Variants in ITPR2 observed in about 807,000 individuals in gnomAD.
ITPR2 encodes inositol 1,4,5-trisphosphate-gated calcium channel ITPR2.
In ITPR2, 207 loss-of-function variants were observed where a neutral mutation model predicts 317.1. The ratio of observed to expected loss-of-function variants is 0.65; its 90% CI spans 0.58 to 0.73. The LOEUF is 0.73. Among genes scored for constraint, ITPR2 ranks in the 30% least tolerant of loss-of-function variants. ITPR2 has a pLI of 0.00. For synonymous variants in ITPR2, 1,156 were observed against 1,149.1 expected, an observed-to-expected ratio of 1.01 and a Z score of -0.12; for missense variants, 2,613 against 3,284.0, an observed-to-expected ratio of 0.80 and a Z score of 4.99.
intron 14 of ITPR2, 83 bp downstream of exon 14, chr12:26,665,827 T>C: frequency 8.3e-7 from 1 of 1,209,776 alleles, no homozygotes; most frequent in Non-Finnish European, 1.2e-6. Flanking sequence ...TGCTTCATAG[T>C]AATAGATAAC....
At chr12:26,537,213 C>A (rs1397528789) in intron 37 of ITPR2, among the ~76,000 whole-genome samples, 3 of 152,066 alleles carry the variant, frequency 2.0e-5, no homozygotes, top group Non-Finnish European at 4.4e-5. Context: ...ATTAACTAAT[C>A]CAAGCATGGT....
intron 36 of ITPR2, among the ~76,000 whole-genome samples, chr12:26,555,337 G>C (rs1210113113): frequency 6.6e-6 from 1 of 152,070 alleles, no homozygotes; most frequent in Non-Finnish European, 1.5e-5. Context: ...GAATTAGCTG[G>C]GATGAGTCAT....
At chr12:26,358,636 TTACAAATAA>T (rs1234292907) in intron 55 of ITPR2, among the ~76,000 whole-genome samples, 1 of 152,160 alleles carries the variant, frequency 6.6e-6, no homozygotes, top group African/African-American at 2.4e-5. Context: ...ATTCTGTGTA[TTACAAATAA>T]TTGATGATGT....
At chr12:26,772,523 T>TTATATATAATACACGTATTA (rs1949883206) in intron 2 of ITPR2, among the ~76,000 whole-genome samples, 2 of 90,940 alleles carry the variant, frequency 2.2e-5, no homozygotes, top group African/African-American at 7.0e-5. Flanking sequence ...TAATACATTA[T>TTATATATAATACACGTATTA]TATATATAAT....
intron 55 of ITPR2, among the ~76,000 whole-genome samples, chr12:26,361,732 T>G (rs567212854): frequency 6.6e-6 from 1 of 152,358 alleles, no homozygotes; most frequent in African/African-American, 2.4e-5. Context: ...AAAGGAACAT[T>G]GAAAACGTGA....
At chr12:26,632,760 G>A (rs1400805761) in intron 21 of ITPR2, among the ~76,000 whole-genome samples, 1 of 152,104 alleles carries the variant, frequency 6.6e-6, no homozygotes, top group African/African-American at 2.4e-5. Context: ...AATGAGGGAG[G>A]GATCACGCTC....
intron 45 of ITPR2, among the ~76,000 whole-genome samples, chr12:26,456,824 C>T (rs1941898743): frequency 6.6e-6 from 1 of 152,142 alleles, no homozygotes; most frequent in Admixed American, 6.5e-5. Flanking sequence ...AGGCACTTGC[C>T]ATCACGCCCG....
intron 37 of ITPR2, among the ~76,000 whole-genome samples, chr12:26,509,386 T>C (rs1482152140): frequency 6.6e-6 from 1 of 152,212 alleles, no homozygotes; most frequent in East Asian, 1.9e-4. Context: ...GTGAATTTTA[T>C]AGTATGTGAA....
At position 26,340,346 on chromosome 12, in the gene ITPR2, T is replaced by C. The variant is rs1938067060; in HGVS notation, c.7858-18A>G. 1 of 1,581,928 alleles carries C rather than the reference T, an allele frequency of 6.3e-7. No homozygotes were observed. The highest frequency in any genetic ancestry group is 1.8e-5 in the Admixed American group (1 of 56,404). On this transcript the variant is annotated intron_variant, in intron 55 of 56. Transcript: ENST00000381340. ...TTCTTCTCCTGAAAGCAAATAAATG[T>C]GTGCGAACAAGGGAATAAGTATGGA...
At chr12:26,709,394 A>G (rs1335377957) in intron 9 of ITPR2, among the ~76,000 whole-genome samples, 1 of 152,246 alleles carries the variant, frequency 6.6e-6, no homozygotes, top group Non-Finnish European at 1.5e-5. Flanking sequence ...GGCACCTGGC[A>G]TTTAAAGCTG....
chr12:26,796,502 T>A (rs1463044691), intron 1 of ITPR2, among the ~76,000 whole-genome samples: 2 of 152,210 alleles, frequency 1.3e-5, no homozygotes, highest in African/African-American at 4.8e-5. Flanking sequence ...CATTCACTGC[T>A]ATAGAGAGTA....
chr12:26,441,280 T>A, intron 46 of ITPR2, among the ~76,000 whole-genome samples: 1 of 152,090 alleles, frequency 6.6e-6, no homozygotes, highest in East Asian at 1.9e-4. Flanking sequence ...CTTAGATGGG[T>A]GATTAGACAC....
At chr12:26,767,122 G>A (rs969722094) in intron 2 of ITPR2, among the ~76,000 whole-genome samples, 1 of 152,086 alleles carries the variant, frequency 6.6e-6, no homozygotes, top group Non-Finnish European at 1.5e-5. Flanking sequence ...GCTTTCTTGT[G>A]CTTTCCTTGA....
At chr12:26,800,350 C>CCAAAAA (rs1950534415) in intron 1 of ITPR2, among the ~76,000 whole-genome samples, 1 of 151,862 alleles carries the variant, frequency 6.6e-6, no homozygotes, top group Non-Finnish European at 1.5e-5. Flanking sequence ...GCATGAGTCA[C>CCAAAAA]CAAAAACAAC....
chr12:26,768,889 G>C (rs1949789805), intron 2 of ITPR2, among the ~76,000 whole-genome samples: 2 of 151,754 alleles, frequency 1.3e-5, no homozygotes, highest in South Asian at 4.2e-4. Flanking sequence ...CCATTTTTAG[G>C]GTACTTCCAA....
chr12:26,569,753 G>T (rs1945108404), intron 34 of ITPR2, among the ~76,000 whole-genome samples: 1 of 152,042 alleles, frequency 6.6e-6, no homozygotes, highest in Non-Finnish European at 1.5e-5. Flanking sequence ...ATAAAAAAGA[G>T]AAACACACAT....
At chr12:26,648,280 C>A (rs1403613645) in intron 21 of ITPR2, among the ~76,000 whole-genome samples, 1 of 152,180 alleles carries the variant, frequency 6.6e-6, no homozygotes, top group Non-Finnish European at 1.5e-5. Context: ...AAAGCCTTTT[C>A]CTTCTAGATA....
chr12:26,426,232 C>T (rs969095603), intron 49 of ITPR2, among the ~76,000 whole-genome samples: 1 of 151,872 alleles, frequency 6.6e-6, no homozygotes, highest in Non-Finnish European at 1.5e-5. Context: ...GGCCAGTTAC[C>T]AGTTTATAAA....
chr12:26,618,119 G>A (rs1946411617), intron 26 of ITPR2, among the ~76,000 whole-genome samples: 1 of 152,034 alleles, frequency 6.6e-6, no homozygotes, highest in African/African-American at 2.4e-5. Flanking sequence ...ATCTATAAAA[G>A]AATGTACAGT....
Sources: allele counts gnomAD v4.1 joint callset (sites outside exome capture counted in the v4.1 genomes callset), GRCh38; gene constraint gnomAD v4.1.1; transcripts MANE v1.5; gene names NCBI Gene and HGNC (gene_info 2026-07-23, HGNC 2026-07-21).